BBS9: variants seen among roughly 807,000 people sequenced by gnomAD.
BBS9 encodes Bardet-Biedl syndrome 9.
A neutral mutation model predicts 117.7 loss-of-function variants in BBS9; 89 were observed. That is an observed-to-expected ratio of 0.76 (90% CI 0.64 to 0.90). The LOEUF (loss-of-function observed/expected upper bound fraction) is 0.90. Ranked by LOEUF, BBS9 falls within the 40% of genes least tolerant of loss-of-function variation. The pLI, the probability that BBS9 is intolerant of heterozygous loss-of-function variation, is 0.00. For missense variants in BBS9, 982 were observed against 1,042.2 expected (o/e 0.94, Z 0.80); for synonymous variants, 379 against 370.9 (o/e 1.02, Z -0.25).
intron 9 of BBS9, among the ~76,000 whole-genome samples, chr7:33,334,823 C>T (rs1814958752): frequency 6.6e-6 from 1 of 152,198 alleles, no homozygotes; most frequent in Admixed American, 6.5e-5. Context: ...CAGAGCCAGA[C>T]TCAAGTCTCC....
At chr7:33,240,585 G>C (rs1371569621) in intron 5 of BBS9, among the ~76,000 whole-genome samples, 3 of 151,920 alleles carry the variant, frequency 2.0e-5, no homozygotes, top group South Asian at 2.1e-4. Context: ...TGTTATTTTT[G>C]CTCCTTTTCA....
intron 19 of BBS9, among the ~76,000 whole-genome samples, chr7:33,412,038 TTTAAACTAAAA>T: frequency 1.3e-5 from 2 of 152,200 alleles, no homozygotes; most frequent in Non-Finnish European, 2.9e-5. Context: ...ATACTTTTTT[TTTAAACTAAAA>T]TGTATTATGT....
At chr7:33,254,481 A>G (rs1367335047) in intron 5 of BBS9, among the ~76,000 whole-genome samples, 1 of 152,184 alleles carries the variant, frequency 6.6e-6, no homozygotes, top group Non-Finnish European at 1.5e-5. Flanking sequence ...GCTAATTAAT[A>G]TTAGTATGGA....
chr7:33,235,676 A>G (rs759258151), intron 5 of BBS9, among the ~76,000 whole-genome samples: 17 of 152,168 alleles, frequency 1.1e-4, no homozygotes, highest in Non-Finnish European at 2.5e-4. Flanking sequence ...GACAAAATCA[A>G]CTGGACTTTT....
chr7:33,153,707 C>T (rs926762115), intron 3 of BBS9, among the ~76,000 whole-genome samples: 7 of 152,118 alleles, frequency 4.6e-5, no homozygotes, highest in Non-Finnish European at 1.0e-4. Context: ...TCACATTCTT[C>T]TAGTGATATG....
chr7:33,607,065 T>G (rs1864613696), downstream of BBS9, among the ~76,000 whole-genome samples: 1 of 152,140 alleles, frequency 6.6e-6, no homozygotes, highest in South Asian at 2.1e-4. Flanking sequence ...CATACCTCTC[T>G]CTTACTTATT....
At chr7:33,248,769 A>G (rs1795771805) in intron 5 of BBS9, among the ~76,000 whole-genome samples, 1 of 152,184 alleles carries the variant, frequency 6.6e-6, no homozygotes, top group Non-Finnish European at 1.5e-5. Context: ...AATGAACAAA[A>G]TGAGCGGAAG....
chr7:33,420,171 C>A (rs890325553), intron 19 of BBS9, among the ~76,000 whole-genome samples: 6 of 152,076 alleles, frequency 3.9e-5, no homozygotes, highest in African/African-American at 1.2e-4. Context: ...GGTTTTCAAC[C>A]CTGACTACCT....
intron 9 of BBS9, among the ~76,000 whole-genome samples, chr7:33,312,022 T>C (rs1455505117): frequency 2.0e-5 from 3 of 152,192 alleles, no homozygotes; most frequent in African/African-American, 7.2e-5. Context: ...TAATACAAGG[T>C]TTCTTGCCAA....
rs538979738 is a variant in BBS9, at chr7:33,559,682, C to T, written c.2521+25506C>T. On this transcript the variant is annotated intron_variant, in intron 21 of 22. Coordinates refer to ENST00000242067, the MANE Select transcript of BBS9 (RefSeq NM_198428.3). ...TTATATTATGCAACCCCTATAGACA[C>T]ATGTGATCTGATCATATCCCTCTAG... is the stretch of plus-strand genomic sequence containing the variant. 3.9e-5 allele frequency among the ~76,000 whole-genome samples: 6 copies of T among 152,298 alleles called. No homozygotes were observed. The South Asian group carries it at 1.2e-3, about 32-fold the overall frequency.
At chr7:33,530,698 A>G (rs1405975120) in intron 20 of BBS9, among the ~76,000 whole-genome samples, 1 of 152,202 alleles carries the variant, frequency 6.6e-6, no homozygotes, top group African/African-American at 2.4e-5. Flanking sequence ...CTTTGTAACA[A>G]CCAGTGTTTA....
At chr7:33,619,926 TG>T (rs1865323665) in intron 21 of BBS9, among the ~76,000 whole-genome samples, 1 of 151,940 alleles carries the variant, frequency 6.6e-6, no homozygotes, top group Non-Finnish European at 1.5e-5. Flanking sequence ...AATAACCTAG[TG>T]TTACACCTCA....
chr7:33,553,290 A>G (rs1854748218), intron 21 of BBS9, among the ~76,000 whole-genome samples: 1 of 152,174 alleles, frequency 6.6e-6, no homozygotes, highest in Non-Finnish European at 1.5e-5. Context: ...AGTTTCATGA[A>G]GAGCTGGACA....
At chr7:33,353,699 T>C (rs1339612428) in intron 15 of BBS9, among the ~76,000 whole-genome samples, 1 of 152,018 alleles carries the variant, frequency 6.6e-6, no homozygotes, top group East Asian at 1.9e-4. Flanking sequence ...TAAATAAATA[T>C]AATGAAATGA....
intron 19 of BBS9, among the ~76,000 whole-genome samples, chr7:33,491,342 A>C (rs1228398520): frequency 6.6e-6 from 1 of 152,214 alleles, no homozygotes; most frequent in African/African-American, 2.4e-5. Context: ...AAACCATTAA[A>C]GTGTTTATCA....
intron 7 of BBS9, among the ~76,000 whole-genome samples, chr7:33,271,184 C>T (rs574519339): frequency 3.9e-5 from 6 of 152,172 alleles, no homozygotes; most frequent in Non-Finnish European, 7.3e-5. Context: ...TACTACCAGA[C>T]CTGCCTTACT....
intron 5 of BBS9, among the ~76,000 whole-genome samples, chr7:33,241,671 C>G (rs1794547085): frequency 4.0e-5 from 6 of 151,794 alleles, no homozygotes; most frequent in Admixed American, 2.6e-4. Flanking sequence ...GTTTTGCTTT[C>G]TAAATCACTG....
intron 2 of BBS9, among the ~76,000 whole-genome samples, chr7:33,148,274 T>G (rs1359199137): frequency 6.6e-6 from 1 of 151,882 alleles, no homozygotes; most frequent in Non-Finnish European, 1.5e-5. Flanking sequence ...GGGAGAGAAG[T>G]TGAAATAAGA....
chr7:33,405,805 T>C (rs1363579625), intron 19 of BBS9, among the ~76,000 whole-genome samples: 3 of 152,186 alleles, frequency 2.0e-5, no homozygotes, highest in African/African-American at 7.2e-5. Flanking sequence ...GCTCCTGGAT[T>C]CATTAATTTT....
Sources: allele counts gnomAD v4.1 joint callset (sites outside exome capture counted in the v4.1 genomes callset), GRCh38; gene constraint gnomAD v4.1.1; transcripts MANE v1.5; gene names NCBI Gene and HGNC (gene_info 2026-07-23, HGNC 2026-07-21).